TRAP1: variants seen among roughly 807,000 people sequenced by gnomAD.
TRAP1 encodes heat shock protein 75 kDa, mitochondrial.
In TRAP1, 102 loss-of-function variants were observed where a neutral mutation model predicts 89.1. That is an observed-to-expected ratio of 1.15 (90% CI 0.98 to 1.35). The LOEUF is 1.35. TRAP1 is among the 40% of genes most tolerant of loss of function. TRAP1 has a pLI of 0.00. For synonymous variants in TRAP1, 508 were observed against 388.0 expected (o/e 1.31, Z -3.64); for missense variants, 1,256 against 945.3 (o/e 1.33, Z -4.31).
intron 9 of TRAP1, among the ~76,000 whole-genome samples, chr16:3,673,062 AAG>A (rs1476481065): frequency 6.6e-6 from 1 of 151,290 alleles, no homozygotes; most frequent in East Asian, 2.0e-4. Context: ...AGGAGGACAC[AAG>A]AGAGTGAACC....
intron 15 of TRAP1, 185 bp from the exon 16 acceptor site, chr16:3,662,317 C>T (rs958036328): frequency 4.5e-5 from 32 of 715,006 alleles, no homozygotes; most frequent in African/African-American, 3.0e-4. Flanking sequence ...TGATGCCCCA[C>T]GCAAAGATAC....
At chr16:3,696,100 T>C (rs1291701236) in intron 1 of TRAP1, among the ~76,000 whole-genome samples, 2 of 152,214 alleles carry the variant, frequency 1.3e-5, no homozygotes, top group South Asian at 2.1e-4. Flanking sequence ...CCAAAAGCTG[T>C]TCCAGTTTCA....
intron 1 of TRAP1, among the ~76,000 whole-genome samples, chr16:3,693,022 G>A (rs560499476): frequency 2.0e-5 from 3 of 151,502 alleles, no homozygotes; most frequent in East Asian, 1.9e-4. Context: ...CAGTGATCTC[G>A]GCTCACTGCA....
chr16:3,684,377 A>G (rs998628272), intron 4 of TRAP1, among the ~76,000 whole-genome samples: 1 of 152,208 alleles, frequency 6.6e-6, no homozygotes, highest in Non-Finnish European at 1.5e-5. Context: ...AATAACAAAA[A>G]GCAATGTAGC....
chr16:3,695,197 G>A (rs1165326925), intron 1 of TRAP1, among the ~76,000 whole-genome samples: 2 of 152,154 alleles, frequency 1.3e-5, no homozygotes, highest in African/African-American at 4.8e-5. Context: ...ACTGAGAGCT[G>A]GGACTTCAAC....
intron 5 of TRAP1, chr16:3,678,329 A>G (rs2051027428): frequency 6.6e-6 from 1 of 152,268 alleles, no homozygotes. Context: ...TTTAATTTGA[A>G]TGCATTTACA....
chr16:3,671,063 G>A (rs1248043851), intron 11 of TRAP1, among the ~76,000 whole-genome samples: 1 of 152,136 alleles, frequency 6.6e-6, no homozygotes, highest in Admixed American at 6.5e-5. Flanking sequence ...AGGCACGTTG[G>A]GGGCTCCAAC....
At chr16:3,676,226 G>A (rs2050991924) in intron 6 of TRAP1, 81 bp from the exon 7 acceptor site, 3 of 1,236,202 alleles carry the variant, frequency 2.4e-6, no homozygotes, top group African/African-American at 1.5e-5. Context: ...GGTTCCCGAG[G>A]GTTTCATAGG....
chr16:3,690,307 A>G (rs555035184), intron 2 of TRAP1, among the ~76,000 whole-genome samples: 2 of 152,282 alleles, frequency 1.3e-5, no homozygotes, highest in African/African-American at 4.8e-5. Flanking sequence ...TGCCTGGACT[A>G]TATTCTTCAA....
At position 3,664,324 on chromosome 16, in the gene TRAP1, G is replaced by T; in HGVS notation, c.1519C>A (p.Leu507Met). The change falls in exon 13 of 18, where the codon CTG becomes ATG. Residue 507 changes from leucine (L) to methionine (M), a missense_variant. Transcript: ENST00000246957. ...TCATAGTAGGGTGAGTGCTCTGCCA[G>T]GTGACGGTTGGGGGCGCACAGGTAG... ...IYYLCAPNRHLAEHSPYYEAM... is the reference protein window; with the variant it reads ...IYYLCAPNRHMAEHSPYYEAM... 1 of 1,612,478 alleles carries T rather than the reference G, an allele frequency of 6.2e-7. No individual in the cohort carries two copies. Among genetic ancestry groups the T allele is most frequent in the Non-Finnish European group, 8.5e-7 (1 of 1,179,512 alleles).
intron 16 of TRAP1, chr16:3,661,107 T>A (rs980043284): frequency 1.3e-5 from 2 of 152,096 alleles, no homozygotes; most frequent in Admixed American, 1.3e-4. Context: ...CATATACAAG[T>A]TAGAAAATGA....
rs372752452 is a variant in TRAP1, at chr16:3,666,009, G to C, written c.1345C>G (p.Arg449Gly). 1.9e-6 allele frequency: 3 copies of C among 1,613,788 alleles called. No homozygotes were observed. The highest frequency in any genetic ancestry group is 2.5e-6 in the Non-Finnish European group (3 of 1,179,980). The change falls in exon 12 of 18, where the codon CGG becomes GGG. Residue 449 changes from arginine (R) to glycine (G), a missense_variant. Transcript: ENST00000246957. ...KFFEDYGLFM[R>G]EGIVTATEQE... ...TCGGTGGCGGTCACAATGCCCTCCCGCATGAACAGGCCGTAATCTTCAAAA... is the reference window on the plus strand; with the variant it reads ...TCGGTGGCGGTCACAATGCCCTCCCCCATGAACAGGCCGTAATCTTCAAAA...
At chr16:3,694,066 G>C (rs995934425) in intron 1 of TRAP1, among the ~76,000 whole-genome samples, 4 of 151,718 alleles carry the variant, frequency 2.6e-5, no homozygotes, top group African/African-American at 7.3e-5. Context: ...TGCCGAGGGA[G>C]AGTCCATCCC....
At chr16:3,715,940 G>A (rs868594951) in intron 1 of TRAP1, among the ~76,000 whole-genome samples, 2 of 152,176 alleles carry the variant, frequency 1.3e-5, no homozygotes, top group South Asian at 4.1e-4. Context: ...TCAGCTCACT[G>A]CAATCTCTGC....
At chr16:3,699,852 T>C (rs1029576826) in intron 1 of TRAP1, among the ~76,000 whole-genome samples, 1 of 151,390 alleles carries the variant, frequency 6.6e-6, no homozygotes, top group Non-Finnish European at 1.5e-5. Context: ...TTTTTTTTTT[T>C]TTCCTAGAGA....
At chr16:3,667,649 A>G (rs1172247616) in intron 11 of TRAP1, among the ~76,000 whole-genome samples, 1 of 151,374 alleles carries the variant, frequency 6.6e-6, no homozygotes. Flanking sequence ...AAATAAATAA[A>G]TAAAAATAAA....
At chr16:3,712,014 G>A (rs1044663652) in intron 1 of TRAP1, among the ~76,000 whole-genome samples, 7 of 151,912 alleles carry the variant, frequency 4.6e-5, no homozygotes, top group Admixed American at 1.3e-4. Flanking sequence ...TGTCAGGCCC[G>A]ACGTGGTAGC....
At chr16:3,716,594 C>T (rs1312697608) in intron 1 of TRAP1, among the ~76,000 whole-genome samples, 1 of 151,550 alleles carries the variant, frequency 6.6e-6, no homozygotes. Flanking sequence ...TTCTGAAGTA[C>T]AACGTAGCAC....
intron 1 of TRAP1, among the ~76,000 whole-genome samples, chr16:3,715,425 A>G (rs942917059): frequency 4.6e-5 from 7 of 152,046 alleles, no homozygotes; most frequent in African/African-American, 1.4e-4. Flanking sequence ...GTGACAGAGC[A>G]AGACTCCATC....
Sources: allele counts gnomAD v4.1 joint callset (sites outside exome capture counted in the v4.1 genomes callset), GRCh38; gene constraint gnomAD v4.1.1; transcripts MANE v1.5; gene names NCBI Gene and HGNC (gene_info 2026-07-23, HGNC 2026-07-21).